The following SHISA6 variants were observed in gnomAD, a reference collection of about 807,000 sequenced individuals.
SHISA6 encodes shisa family member 6.
In SHISA6, 22 loss-of-function variants were observed where a neutral mutation model predicts 47.9. That is an observed-to-expected ratio of 0.46 (90% CI 0.33 to 0.66). SHISA6 has a LOEUF of 0.66. Among genes scored for constraint, SHISA6 ranks in the 30% least tolerant of loss-of-function variants. The probability of loss-of-function intolerance (pLI) is 0.02; values close to 1 mark genes in which losing one functional copy is unlikely to be tolerated. For missense variants in SHISA6, 680 were observed against 764.6 expected (o/e 0.89, Z 1.30); for synonymous variants, 388 against 337.8 (o/e 1.15, Z -1.63).
intron 3 of SHISA6, among the ~76,000 whole-genome samples, chr17:11,410,253 C>T (rs1914078605): frequency 6.6e-6 from 1 of 152,216 alleles, no homozygotes; most frequent in East Asian, 1.9e-4. Context: ...CCTCAATCAA[C>T]AACCCTCGGA....
intron 2 of SHISA6, among the ~76,000 whole-genome samples, chr17:11,347,111 C>T (rs896790636): frequency 6.6e-6 from 1 of 150,906 alleles, no homozygotes; most frequent in African/African-American, 2.4e-5. Context: ...CACAAATGTT[C>T]ACAGGAAAGG....
intron 2 of SHISA6, among the ~76,000 whole-genome samples, chr17:11,307,705 A>G (rs957704413): frequency 1.3e-5 from 2 of 152,212 alleles, no homozygotes; most frequent in Non-Finnish European, 2.9e-5. Context: ...GTTTGCATAA[A>G]GTCTATGCTC....
chr17:11,251,510 G>A (rs567237921), intron 1 of SHISA6, among the ~76,000 whole-genome samples: 11 of 152,244 alleles, frequency 7.2e-5, no homozygotes, highest in African/African-American at 2.6e-4. Flanking sequence ...CTTGGGTGAG[G>A]GGCACAGGAG....
At chr17:11,250,608 T>G (rs573573761) in intron 1 of SHISA6, among the ~76,000 whole-genome samples, 1 of 152,266 alleles carries the variant, frequency 6.6e-6, no homozygotes, top group South Asian at 2.1e-4. Flanking sequence ...TCAGTCAGGA[T>G]TTAGGGGTTG....
At chr17:11,538,753 G>A (rs183916410) in intron 3 of SHISA6, among the ~76,000 whole-genome samples, 13 of 152,234 alleles carry the variant, frequency 8.5e-5, no homozygotes, top group South Asian at 2.1e-4. Flanking sequence ...TTTAAAACTC[G>A]TTGGCCTTAA....
At chr17:11,492,278 C>G in intron 3 of SHISA6, among the ~76,000 whole-genome samples, 1 of 152,146 alleles carries the variant, frequency 6.6e-6, no homozygotes. Flanking sequence ...AGTGTTCAAT[C>G]TAGGCTCAAT....
rs149516930 is a variant in SHISA6 at position 11,386,212 on chromosome 17, C to T, written c.895+6703C>T. Among the ~76,000 whole-genome samples, 645 of 152,222 alleles carry T rather than the reference C, an allele frequency of 4.2e-3. 3 individuals are homozygous for T. The highest frequency in any genetic ancestry group is 0.015 in the African/African-American group (623 of 41,538). On this transcript the variant is annotated intron_variant, in intron 3 of 5. Transcript: ENST00000441885. ...CCAACATGGCGAAACCCCGTCTCTA[C>T]TAAAAATACAAAATTAGCTGGGTGT...
At chr17:11,533,188 A>G (rs926496380) in intron 3 of SHISA6, among the ~76,000 whole-genome samples, 1 of 152,080 alleles carries the variant, frequency 6.6e-6, no homozygotes, top group Non-Finnish European at 1.5e-5. Flanking sequence ...AGCCACAAAC[A>G]CCATAAGTTA....
At chr17:11,490,787 G>A (rs1460697432) in intron 3 of SHISA6, among the ~76,000 whole-genome samples, 1 of 152,204 alleles carries the variant, frequency 6.6e-6, no homozygotes, top group Admixed American at 6.5e-5. Context: ...GTCCCTGTAT[G>A]GGGCTAAGAG....
chr17:11,464,031 C>T (rs56211984), intron 3 of SHISA6, among the ~76,000 whole-genome samples: 26,887 of 152,042 alleles, frequency 0.18, 2,567 homozygotes, highest in Middle Eastern at 0.29. Flanking sequence ...ATCCACTCAC[C>T]TCAGCCTCCC....
At chr17:11,392,936 G>A (rs1913435911) in intron 3 of SHISA6, among the ~76,000 whole-genome samples, 1 of 152,218 alleles carries the variant, frequency 6.6e-6, no homozygotes, top group Non-Finnish European at 1.5e-5. Flanking sequence ...CAGGTGGGAG[G>A]TGGGGTACCA....
At chr17:11,262,617 G>A (rs1908271658) in intron 1 of SHISA6, among the ~76,000 whole-genome samples, 1 of 152,232 alleles carries the variant, frequency 6.6e-6, no homozygotes, top group African/African-American at 2.4e-5. Context: ...GTCAATGCAT[G>A]TTTGGTTGTT....
chr17:11,371,311 A>G (rs2142237922), intron 2 of SHISA6, among the ~76,000 whole-genome samples: 1 of 152,202 alleles, frequency 6.6e-6, no homozygotes, highest in East Asian at 1.9e-4. Flanking sequence ...AACTGGAAGG[A>G]GCCCTGGGGC....
chr17:11,300,161 A>AAAG (rs1174972960), intron 2 of SHISA6, among the ~76,000 whole-genome samples: 26 of 151,894 alleles, frequency 1.7e-4, no homozygotes, highest in Admixed American at 1.1e-3. Flanking sequence ...AAAAAAAAAA[A>AAAG]AAAAGAAAAA....
chr17:11,320,346 G>A (rs757681726), intron 2 of SHISA6, among the ~76,000 whole-genome samples: 1 of 152,036 alleles, frequency 6.6e-6, no homozygotes, highest in African/African-American at 2.4e-5. Context: ...TGTGCATGGG[G>A]GGTGGGGCTG....
chr17:11,512,766 A>T (rs987323128), intron 3 of SHISA6, among the ~76,000 whole-genome samples: 5 of 152,158 alleles, frequency 3.3e-5, no homozygotes, highest in African/African-American at 1.2e-4. Context: ...GTTATAGTAT[A>T]ATATACTGTT....
At chr17:11,493,386 T>C (rs2908976) in intron 3 of SHISA6, among the ~76,000 whole-genome samples, 76,836 of 151,700 alleles carry the variant, frequency 0.51, 19,761 homozygotes, top group East Asian at 0.55. Context: ...GCCACCACGC[T>C]CAGCTAATTT....
chr17:11,340,821 A>G (rs577543086), intron 2 of SHISA6, among the ~76,000 whole-genome samples: 2 of 152,218 alleles, frequency 1.3e-5, no homozygotes, highest in Non-Finnish European at 2.9e-5. Context: ...CACTGCAGTG[A>G]CACATGGAAG....
intron 3 of SHISA6, among the ~76,000 whole-genome samples, chr17:11,520,949 G>A (rs182096873): frequency 1.8e-4 from 27 of 152,264 alleles, no homozygotes; most frequent in African/African-American, 6.5e-4. Flanking sequence ...AACTCTGTCT[G>A]TTTGGTTCAC....
Sources: allele counts gnomAD v4.1 joint callset (sites outside exome capture counted in the v4.1 genomes callset), GRCh38; gene constraint gnomAD v4.1.1; transcripts MANE v1.5; gene names NCBI Gene and HGNC (gene_info 2026-07-23, HGNC 2026-07-21).